The following NKAIN2 variants were observed in gnomAD, a reference collection of about 807,000 sequenced individuals.
The protein encoded by NKAIN2 is sodium/potassium transporting ATPase interacting 2.
In NKAIN2, 14 loss-of-function variants were observed where a neutral mutation model predicts 32.6. That is an observed-to-expected ratio of 0.43 (90% CI 0.28 to 0.67). The LOEUF is 0.67. NKAIN2 is among the 30% of genes least tolerant of loss of function. The pLI is 0.17. For synonymous variants in NKAIN2, 80 were observed against 87.2 expected, an observed-to-expected ratio of 0.92 and a Z score of 0.46; for missense variants, 198 against 258.3, an observed-to-expected ratio of 0.77 and a Z score of 1.60.
intron 1 of NKAIN2, among the ~76,000 whole-genome samples, chr6:123,881,579 G>A (rs1006171609): frequency 6.6e-6 from 1 of 152,130 alleles, no homozygotes; most frequent in African/African-American, 2.4e-5. Context: ...CATAGAAAAT[G>A]CATTATCTTC....
At chr6:124,771,244 T>A (rs1468170781) in intron 4 of NKAIN2, among the ~76,000 whole-genome samples, 1 of 152,214 alleles carries the variant, frequency 6.6e-6, no homozygotes, top group Non-Finnish European at 1.5e-5. Context: ...TAGTTTAGGC[T>A]ATGTTTAACA....
At chr6:124,376,177 C>G (rs889607102) in intron 3 of NKAIN2, among the ~76,000 whole-genome samples, 2 of 152,060 alleles carry the variant, frequency 1.3e-5, no homozygotes, top group African/African-American at 4.8e-5. Flanking sequence ...TAAAAACCCA[C>G]CCTGATAAAT....
At chr6:124,718,442 T>A (rs1161932530) in intron 4 of NKAIN2, among the ~76,000 whole-genome samples, 2 of 152,182 alleles carry the variant, frequency 1.3e-5, no homozygotes, top group Non-Finnish European at 1.5e-5. Flanking sequence ...CGTGTTCCAG[T>A]GTATGAATGT....
chr6:124,015,333 T>C (rs1002587286), intron 1 of NKAIN2, among the ~76,000 whole-genome samples: 2 of 152,170 alleles, frequency 1.3e-5, no homozygotes, highest in Non-Finnish European at 2.9e-5. Context: ...CTCCTAAAAA[T>C]TGTTTCTTTG....
At chr6:124,202,763 A>G (rs1790656434) in intron 1 of NKAIN2, among the ~76,000 whole-genome samples, 1 of 151,880 alleles carries the variant, frequency 6.6e-6, no homozygotes, top group African/African-American at 2.4e-5. Context: ...TTCACCCACA[A>G]TAGATGTGCT....
intron 4 of NKAIN2, among the ~76,000 whole-genome samples, chr6:124,718,269 A>C (rs1270790320): frequency 6.6e-6 from 1 of 152,026 alleles, no homozygotes; most frequent in Non-Finnish European, 1.5e-5. Context: ...GGCAACTACA[A>C]ATCTTTCTTT....
chr6:124,563,973 A>G (rs1234462996), intron 3 of NKAIN2, among the ~76,000 whole-genome samples: 1 of 152,156 alleles, frequency 6.6e-6, no homozygotes, highest in Non-Finnish European at 1.5e-5. Context: ...TAATGATGCT[A>G]TAGTTTCTCT....
intron 3 of NKAIN2, among the ~76,000 whole-genome samples, chr6:124,480,683 A>G (rs1209549143): frequency 5.3e-5 from 8 of 151,666 alleles, no homozygotes; most frequent in Admixed American, 5.3e-4. Flanking sequence ...CTCTATTTGA[A>G]TTTGCTTTGA....
At chr6:124,408,539 C>A (rs903701974) in intron 3 of NKAIN2, among the ~76,000 whole-genome samples, 6 of 152,262 alleles carry the variant, frequency 3.9e-5, no homozygotes, top group Non-Finnish European at 8.8e-5. Flanking sequence ...GGGCTCTGTT[C>A]TGTTCCATTG....
At chr6:123,815,440 T>G (rs1333952391) in intron 1 of NKAIN2, among the ~76,000 whole-genome samples, 3 of 152,206 alleles carry the variant, frequency 2.0e-5, no homozygotes, top group Non-Finnish European at 4.4e-5. Flanking sequence ...TCCAAGAGTT[T>G]TGTTAAATCA....
chr6:124,513,498 GA>G (rs1200799275), intron 3 of NKAIN2, among the ~76,000 whole-genome samples: 4 of 152,064 alleles, frequency 2.6e-5, no homozygotes, highest in African/African-American at 9.7e-5. Flanking sequence ...CCTTGGTAGG[GA>G]TACTCTTTTT....
intron 4 of NKAIN2, among the ~76,000 whole-genome samples, chr6:124,672,620 T>C (rs1406951643): frequency 1.3e-5 from 2 of 152,066 alleles, no homozygotes; most frequent in Admixed American, 6.6e-5. Flanking sequence ...ATATTTATAA[T>C]ATATCAGATA....
At chr6:124,052,656 G>T (rs1782466087) in intron 1 of NKAIN2, among the ~76,000 whole-genome samples, 1 of 151,990 alleles carries the variant, frequency 6.6e-6, no homozygotes, top group Non-Finnish European at 1.5e-5. Flanking sequence ...AAAGAATAAG[G>T]TGTTTGTATG....
intron 1 of NKAIN2, among the ~76,000 whole-genome samples, chr6:123,975,311 T>C (rs1196576108): frequency 6.6e-6 from 1 of 152,164 alleles, no homozygotes; most frequent in East Asian, 1.9e-4. Context: ...TCCACTTGAA[T>C]GTGAAAAAAA....
chr6:123,938,575 ATATT>A (rs962862183), intron 1 of NKAIN2, among the ~76,000 whole-genome samples: 4 of 136,080 alleles, frequency 2.9e-5, no homozygotes, highest in Admixed American at 2.3e-4. Context: ...TATATTATAT[ATATT>A]TATATAGTTT....
At chr6:124,440,297 C>T (rs991744711) in intron 3 of NKAIN2, among the ~76,000 whole-genome samples, 2 of 152,024 alleles carry the variant, frequency 1.3e-5, no homozygotes, top group Non-Finnish European at 2.9e-5. Flanking sequence ...CAAGATTCTA[C>T]TGGTCCTCTT....
At chr6:123,974,734 C>T (rs12205914) in intron 1 of NKAIN2, among the ~76,000 whole-genome samples, 43,789 of 152,044 alleles carry the variant, frequency 0.29, 6,426 homozygotes, top group South Asian at 0.43. Flanking sequence ...AGCGTGTCAA[C>T]GGGGACCCTC....
chr6:124,593,818 T>TG (rs1202379572), intron 3 of NKAIN2, among the ~76,000 whole-genome samples: 1 of 152,106 alleles, frequency 6.6e-6, no homozygotes, highest in Non-Finnish European at 1.5e-5. Flanking sequence ...AACTGGGACT[T>TG]GGGGAATGTT....
At chr6:123,967,007 G>A (rs1183162490) in intron 1 of NKAIN2, among the ~76,000 whole-genome samples, 1 of 152,118 alleles carries the variant, frequency 6.6e-6, no homozygotes, top group African/African-American at 2.4e-5. Flanking sequence ...ACAACCTCCT[G>A]GGGTTTCAGA....
Sources: gnomAD v4.1 joint callset for allele counts (sites outside exome capture counted in the v4.1 genomes callset) on GRCh38, gnomAD v4.1.1 for gene constraint, MANE v1.5 for transcripts, NCBI Gene and HGNC (gene_info 2026-07-23, HGNC 2026-07-21) for gene names.